The following WRN variants were observed in gnomAD, a reference collection of about 807,000 sequenced individuals.
WRN encodes bifunctional 3'-5' exonuclease/ATP-dependent helicase WRN.
Under a neutral mutation model 180.7 loss-of-function variants are expected in WRN, and 149 were observed. That is an observed-to-expected ratio of 0.82 (90% confidence interval 0.72 to 0.94). The LOEUF (loss-of-function observed/expected upper bound fraction) is 0.94, where lower values mean the gene tolerates loss of function less well. WRN is among the 40% of genes least tolerant of loss of function. The pLI is 0.00. For missense variants in WRN, 1,661 were observed against 1,700.1 expected, an observed-to-expected ratio of 0.98 and a Z score of 0.40; for synonymous variants, 548 against 568.9, an observed-to-expected ratio of 0.96 and a Z score of 0.52.
At chr8:31,102,690 T>C (rs897347674) in intron 18 of WRN, among the ~76,000 whole-genome samples, 11 of 152,238 alleles carry the variant, frequency 7.2e-5, no homozygotes, top group Non-Finnish European at 1.3e-4. Flanking sequence ...CTTGTAGGAC[T>C]GGAAGTTGCT....
intron 19 of WRN, 34 bp downstream of exon 19, chr8:31,111,833 G>A (rs749337464): frequency 4.4e-6 from 7 of 1,590,962 alleles, no homozygotes; most frequent in African/African-American, 4.2e-5. Context: ...TTTTGGTAAT[G>A]ATTTCCTTTT....
chr8:31,093,766 C>T (rs1156777565), intron 16 of WRN, among the ~76,000 whole-genome samples: 1 of 152,104 alleles, frequency 6.6e-6, no homozygotes, highest in East Asian at 1.9e-4. Context: ...TTGTTTTAAC[C>T]CCAGTCACCG....
intron 34 of WRN, 43 bp downstream of exon 34, chr8:31,167,273 C>A: frequency 6.6e-7 from 1 of 1,511,134 alleles, no homozygotes; most frequent in South Asian, 1.2e-5. Flanking sequence ...TCAGTTTGTT[C>A]AATTTGCATA....
intron 11 of WRN, 116 bp downstream of exon 11, chr8:31,085,362 T>C (rs1406587488): frequency 1.1e-5 from 12 of 1,127,164 alleles, no homozygotes; most frequent in African/African-American, 1.6e-5. Context: ...CTACTAATTA[T>C]GTAACATTAG....
intron 3 of WRN, among the ~76,000 whole-genome samples, chr8:31,062,895 G>C (rs1812545174): frequency 6.6e-6 from 1 of 151,994 alleles, no homozygotes; most frequent in African/African-American, 2.4e-5. Context: ...GCGGTGGCGA[G>C]ATCATACTCA....
In WRN at chr8:31,111,934, C is replaced by T. The variant is rs149280471; in HGVS notation, c.2273+135C>T. 1.2e-3 allele frequency: 1,332 copies of T among 1,097,580 alleles called. 15 individuals carry two copies. The African/African-American group carries it at 0.017, about 14-fold the overall frequency. 68.0% of individuals were successfully genotyped at this position (1,097,580 alleles called of 1,614,324 possible). ...TTTCAAATTCCACCTAGTTTTGGTT[C>T]AAGTCAAGCATGATGTTATATAATC... On this transcript the variant is annotated intron_variant, in intron 19 of 34. Coordinates refer to ENST00000298139, the MANE Select transcript of WRN (RefSeq NM_000553.6).
chr8:31,164,700 A>G (rs1052607710), intron 33 of WRN, among the ~76,000 whole-genome samples: 3 of 152,156 alleles, frequency 2.0e-5, no homozygotes, highest in African/African-American at 7.2e-5. Context: ...ATTTTGATTA[A>G]TTTTATTCCC....
intron 23 of WRN, among the ~76,000 whole-genome samples, chr8:31,130,020 C>CAAAA (rs1190386295): frequency 5.3e-5 from 7 of 131,810 alleles, no homozygotes; most frequent in East Asian, 2.2e-4. Flanking sequence ...AAAAACAAAA[C>CAAAA]AAAACAAAAA....
chr8:31,108,321 T>C lies in WRN; in HGVS notation c.2089-3294T>C, dbSNP rs180934065. On this transcript the variant is annotated intron_variant, in intron 18 of 34. Transcript: ENST00000298139. The stretch of plus-strand genomic sequence containing the variant: ...GGGAATGTCCTGGCAAATGAGGATG[T>C]ATTGTCACCTTTCTCAGCCTGCCTG... Among the ~76,000 whole-genome samples, 808 of 152,324 alleles carry C rather than the reference T, an allele frequency of 5.3e-3. 11 individuals carry two copies. The highest frequency in any genetic ancestry group is 3.1e-3 in the Non-Finnish European group (210 of 68,028).
intron 1 of WRN, among the ~76,000 whole-genome samples, chr8:31,049,435 G>A (rs1812003815): frequency 6.6e-6 from 1 of 151,212 alleles, no homozygotes. Context: ...GGGAGGCTGA[G>A]TGGGAGGATT....
At chr8:31,158,502 G>C (rs1044356071) in intron 33 of WRN, among the ~76,000 whole-genome samples, 6 of 151,834 alleles carry the variant, frequency 4.0e-5, no homozygotes, top group African/African-American at 1.5e-4. Context: ...CAATAAATCT[G>C]ATAAATTTCT....
rs767516095 is a variant in WRN at position 31,067,129 on chromosome 8, A to C, written c.601A>C (p.Ser201Arg). The change falls in exon 6 of 35, where the codon AGT becomes CGT. Residue 201 changes from serine (S) to arginine (R), a missense_variant. By Grantham distance (110) the Ser-to-Arg change is moderately radical. Coordinates refer to ENST00000298139, the MANE Select transcript of WRN (RefSeq NM_000553.6). ...KDKSIRCSNW[S>R]KFPLTEDQKL... is the part of the protein sequence containing the mutation. ...CAAGTCTATCCGCTGTAGCAATTGGAGTAAATTTCCTCTCACTGAGGACCA... is the reference window on the plus strand; with the variant it reads ...CAAGTCTATCCGCTGTAGCAATTGGCGTAAATTTCCTCTCACTGAGGACCA... 6.2e-7 allele frequency: 1 copy of C among 1,613,866 alleles called. No homozygotes were observed. The highest frequency in any genetic ancestry group is 1.3e-5 in the African/African-American group (1 of 74,934).
chr8:31,037,308 G>A (rs1811487447), intron 1 of WRN, among the ~76,000 whole-genome samples: 1 of 152,210 alleles, frequency 6.6e-6, no homozygotes, highest in African/African-American at 2.4e-5. Flanking sequence ...GTCAGGAGGT[G>A]GAGCTCAGGT....
At chr8:31,158,974 G>T (rs2130487086) in intron 33 of WRN, among the ~76,000 whole-genome samples, 1 of 152,132 alleles carries the variant, frequency 6.6e-6, no homozygotes, top group East Asian at 1.9e-4. Context: ...TTACTTACAA[G>T]CAGGAGCTAA....
At position 31,175,897 on chromosome 8, in the gene WRN, A is replaced by G. The variant is rs2130537752; in HGVS notation, c.*2795A>G. On this transcript the variant is annotated 3_prime_UTR_variant, in exon 35 of 35. Coordinates refer to ENST00000298139, the MANE Select transcript of WRN (RefSeq NM_000553.6). ...GGTTTACTACTGCTATTTTTAAATA[A>G]AACAAGAAACATTTTTAAATGTCTG... 6.6e-6 allele frequency among the ~76,000 whole-genome samples: 1 copy of G among 152,350 alleles called. No homozygotes were observed. Among genetic ancestry groups the G allele is most frequent in the African/African-American group, 2.4e-5 (1 of 41,582 alleles).
chr8:31,122,228 A>G (rs1801751297), intron 21 of WRN, among the ~76,000 whole-genome samples: 1 of 152,000 alleles, frequency 6.6e-6, no homozygotes, highest in Non-Finnish European at 1.5e-5. Flanking sequence ...AACTAAAACT[A>G]TAGGATTAAT....
chr8:31,159,274 T>C (rs1230695494), intron 33 of WRN, among the ~76,000 whole-genome samples: 2 of 151,208 alleles, frequency 1.3e-5, no homozygotes, highest in African/African-American at 4.9e-5. Flanking sequence ...TGCTCCAGCC[T>C]GAGTGACACC....
rs904067053 is a variant in WRN at position 31,173,678 on chromosome 8, C to T, written c.*576C>T. ...AAATGTAAAATGGAGACCAATTGCA[C>T]TAGGCAAGTGTATATTTTGTATTTT... On this transcript the variant is annotated 3_prime_UTR_variant, in exon 35 of 35. Transcript: ENST00000298139. 4 of 166,150 alleles carry T rather than the reference C, an allele frequency of 2.4e-5. No individual in the cohort carries two copies. Among genetic ancestry groups the T allele is most frequent in the Non-Finnish European group, 5.2e-5 (4 of 76,660 alleles). The allele number at this position is 166,150 out of a possible 1,614,324, so 10.3% of individuals were successfully genotyped here.
At chr8:31,060,485 G>A (rs1585403862) in intron 3 of WRN, among the ~76,000 whole-genome samples, 1 of 152,282 alleles carries the variant, frequency 6.6e-6, no homozygotes, top group East Asian at 1.9e-4. Context: ...GCTGCAGTGA[G>A]CCTTGATCAC....
Sources: gnomAD v4.1 joint callset for allele counts (sites outside exome capture counted in the v4.1 genomes callset) on GRCh38, gnomAD v4.1.1 for gene constraint, MANE v1.5 for transcripts, NCBI Gene and HGNC (gene_info 2026-07-23, HGNC 2026-07-21) for gene names.